Variants in DHX32 observed in about 807,000 individuals in gnomAD.
DHX32 encodes the protein putative pre-mRNA-splicing factor ATP-dependent RNA helicase DHX32.
In DHX32, 51 loss-of-function variants were observed where a neutral mutation model predicts 70.0. The observed-to-expected ratio is 0.73, with a 90% confidence interval of 0.58 to 0.92. The LOEUF is 0.92. Among genes scored for constraint, DHX32 ranks in the 40% least tolerant of loss-of-function variants. DHX32 has a pLI of 0.00. For missense variants in DHX32, 762 were observed against 891.8 expected, an observed-to-expected ratio of 0.85 and a Z score of 1.85; for synonymous variants, 310 against 315.3, an observed-to-expected ratio of 0.98 and a Z score of 0.18.
rs755621661 is a variant in DHX32 at position 125,841,769 on chromosome 10, A to C, written c.1517T>G (p.Val506Gly). 6.2e-7 allele frequency: 1 copy of C among 1,610,656 alleles called. No homozygotes were observed. The highest frequency in any genetic ancestry group is 1.1e-5 in the South Asian group (1 of 89,598). ...ASCEFDCVDE[V>G]LTIAAMVTAP... Reference sequence around the variant, plus strand: ...TGTTACCATGGCTGCGATTGTTAGCACTTCATCTACACAGTCAAATTCACA... The same window carrying C: ...TGTTACCATGGCTGCGATTGTTAGCCCTTCATCTACACAGTCAAATTCACA... The change falls in exon 7 of 11, where the codon GTG becomes GGG. Residue 506 changes from valine (V) to glycine (G), a missense_variant. Val to Gly is a moderately radical substitution (Grantham distance 109). Around this residue, in one of 3 missense-constraint regions of DHX32, gnomAD observed 366 missense variants for 402.6 expected, o/e 0.91. Coordinates refer to ENST00000284690, the MANE Select transcript of DHX32 (RefSeq NM_018180.3).
intron 1 of DHX32, among the ~76,000 whole-genome samples, chr10:125,868,784 G>C (rs1220628615): frequency 6.6e-6 from 1 of 152,134 alleles, no homozygotes; most frequent in African/African-American, 2.4e-5. Context: ...AAAATGAATA[G>C]ACTGAATGAA....
intron 6 of DHX32, among the ~76,000 whole-genome samples, chr10:125,844,961 G>C (rs956219996): frequency 6.6e-6 from 1 of 152,222 alleles, no homozygotes; most frequent in Admixed American, 6.5e-5. Flanking sequence ...TTTCTTCACT[G>C]TTCTGTGTGC....
At chr10:125,852,169 C>G in intron 6 of DHX32, 124 bp downstream of exon 6, 2 of 1,261,956 alleles carry the variant, frequency 1.6e-6, no homozygotes, top group Non-Finnish European at 2.1e-6. Context: ...ATGCTTCAGT[C>G]CAAACCAACG....
chr10:125,841,817 A>G lies in DHX32; in HGVS notation c.1469T>C (p.Leu490Pro), dbSNP rs1328437960. The change falls in exon 7 of 11, where the codon CTC (leucine) becomes CCC (proline). Residue 490 changes from leucine to proline, a missense_variant. Physicochemically the swap from Leu to Pro is moderately conservative, Grantham distance 98 (BLOSUM62 -3). This residue lies in a region of DHX32 where 366 missense variants were observed against 402.6 expected (regional missense o/e 0.91). Transcript: ENST00000284690. ...ACAGGACGCTAAGATAGACTTCGAG[A>G]GTTGTGGATCAAGAGGAAACTCTGA... ...IMSEFPLDPQ[L>P]SKSILASCEF... 6.2e-7 allele frequency: 1 copy of G among 1,613,856 alleles called. No homozygotes were observed. The highest frequency in any genetic ancestry group is 2.2e-5 in the East Asian group (1 of 44,886).
At chr10:125,849,187 G>A (rs1218230097) in intron 6 of DHX32, among the ~76,000 whole-genome samples, 1 of 152,144 alleles carries the variant, frequency 6.6e-6, no homozygotes, top group Non-Finnish European at 1.5e-5. Flanking sequence ...TTAAATTGCT[G>A]TTTTGTTTTG....
At chr10:125,842,828 C>T (rs1854918213) in intron 6 of DHX32, 1 of 936,570 alleles carries the variant, frequency 1.1e-6, no homozygotes, top group Non-Finnish European at 1.3e-6. Context: ...CTCTTTATTT[C>T]TTTTAAGTTT....
intron 1 of DHX32, among the ~76,000 whole-genome samples, chr10:125,871,067 C>G (rs1291501617): frequency 6.6e-6 from 1 of 152,202 alleles, no homozygotes; most frequent in Non-Finnish European, 1.5e-5. Flanking sequence ...TTCCAATGAT[C>G]ATGAGCCATG....
chr10:125,881,494 C>A (rs780373672), upstream of DHX32, among the ~76,000 whole-genome samples: 10 of 152,234 alleles, frequency 6.6e-5, no homozygotes, highest in Admixed American at 2.0e-4. Context: ...CTAACACAGG[C>A]TACAGGAAAA....
In DHX32 at chr10:125,841,952, T is replaced by A. The variant is rs1270123388; in HGVS notation, c.1352-18A>T. On this transcript the variant is annotated intron_variant, in intron 6 of 10. Coordinates refer to ENST00000284690, the MANE Select transcript of DHX32 (RefSeq NM_018180.3). ...TTCTGGTGCTAGGAAAGGAAAAAAA[T>A]AATAATTTAAGAGTCTCATATGGCT... 6 of 1,568,964 alleles carry A rather than the reference T, an allele frequency of 3.8e-6. No homozygotes were observed. Among genetic ancestry groups the A allele is most frequent in the Middle Eastern group, 1.7e-4 (1 of 5,934 alleles).
intron 6 of DHX32, among the ~76,000 whole-genome samples, chr10:125,843,860 C>G (rs1490226570): frequency 6.6e-6 from 1 of 152,146 alleles, no homozygotes; most frequent in Non-Finnish European, 1.5e-5. Flanking sequence ...GCCAAACCAC[C>G]CAAGGGAAAT....
Position 125,866,968 on chromosome 10 carries a change from G to A in DHX32, c.476+22C>T, listed in dbSNP as rs148605830. The A allele has an allele frequency of 1.6e-3, 2,584 of 1,604,844 alleles. 16 individuals are homozygous for A. The African/African-American group carries it at 0.021, about 13-fold the overall frequency. On this transcript the variant is annotated intron_variant, in intron 2 of 10. Transcript: ENST00000284690. This position sits in a 1 kb window ranked among gnomAD's most constrained non-coding sequence, Gnocchi z 4.8. ...AAGCCAAGAATCATCAGCAGGGAGC[G>A]GACTGAACCCCACAAACCAACCTCA...
rs1212197308 is a variant in DHX32 at position 125,853,357 on chromosome 10, AGG to A, written c.1092+602_1092+603del. 5.4e-6 allele frequency: 3 copies of A among 557,736 alleles called. No individual in the cohort carries two copies. In the African/African-American group the frequency reaches 5.8e-5, roughly 11 times the overall value. 34.5% of individuals were successfully genotyped at this position (557,736 alleles called of 1,614,324 possible). A position where few individuals can be genotyped will look rare whatever the true frequency, so the allele number is the denominator to read the frequency against. ...AGTTTCGTTTGAGATCTCAAATGTT[AGG>A]ATTTTCTGAAGTCTCAGTGTCTTTC... is the stretch of plus-strand genomic sequence containing the variant. On this transcript the variant is annotated intron_variant, in intron 4 of 10. Transcript: ENST00000284690.
At chr10:125,853,252 G>A in intron 4 of DHX32, 2 of 1,563,046 alleles carry the variant, frequency 1.3e-6, no homozygotes, top group Non-Finnish European at 1.7e-6. Flanking sequence ...AATAAGTCAG[G>A]GATATTTAGG....
At chr10:125,861,938 AAAG>A in intron 2 of DHX32, among the ~76,000 whole-genome samples, 1 of 152,160 alleles carries the variant, frequency 6.6e-6, no homozygotes, top group Admixed American at 6.5e-5. Context: ...AAAAAAAAAA[AAAG>A]GAAGTAAACA....
At chr10:125,867,702 C>T (rs1046760830) in intron 1 of DHX32, among the ~76,000 whole-genome samples, 8 of 142,352 alleles carry the variant, frequency 5.6e-5, no homozygotes, top group African/African-American at 1.9e-4. Context: ...TGCCACTGCA[C>T]GCCAGCCTGG....
At chr10:125,844,014 T>C (rs1854947820) in intron 6 of DHX32, among the ~76,000 whole-genome samples, 2 of 152,222 alleles carry the variant, frequency 1.3e-5, no homozygotes, top group Admixed American at 1.3e-4. Flanking sequence ...CTCAGAGATA[T>C]TCCTGTCCTG....
Position 125,839,207 on chromosome 10 carries a change from AAGGCTATTT to A in DHX32, c.1694-28_1694-20del. ...ACACAGTCTAGGAGGGAAAGAACAC[AAGGCTATTT>A]AGAAATGATTTGTCAGAAGCTCTGA... On this transcript the variant is annotated intron_variant, in intron 8 of 10. Coordinates refer to ENST00000284690, the MANE Select transcript of DHX32 (RefSeq NM_018180.3). 1 of 1,609,590 alleles carries A rather than the reference AAGGCTATTT, an allele frequency of 6.2e-7. No individual in the cohort carries two copies. The highest frequency in any genetic ancestry group is 8.5e-7 in the Non-Finnish European group (1 of 1,176,834).
intron 10 of DHX32, 135 bp downstream of exon 10, chr10:125,838,071 G>T: frequency 1.3e-6 from 1 of 760,984 alleles, no homozygotes; most frequent in Non-Finnish European, 2.0e-6. Context: ...CCTGCCCTTA[G>T]TAGGTACTGT....
At chr10:125,861,007 C>T (rs1944184642) in intron 2 of DHX32, among the ~76,000 whole-genome samples, 2 of 151,884 alleles carry the variant, frequency 1.3e-5, no homozygotes. Flanking sequence ...CCACCTTGGC[C>T]TCCCAAAGTG....
Sources: gnomAD v4.1 joint callset for allele counts (sites outside exome capture counted in the v4.1 genomes callset) on GRCh38, gnomAD v4.1.1 for gene constraint, gnomAD v4.1.1 regional missense constraint, Gnocchi (gnomAD v3.1) non-coding constraint, MANE v1.5 for transcripts, NCBI Gene and HGNC (gene_info 2026-07-23, HGNC 2026-07-21) for gene names.